The following NFXL1 variants were observed in gnomAD, a reference collection of about 807,000 sequenced individuals.
NFXL1 encodes NF-X1-type zinc finger protein NFXL1.
Under a neutral mutation model 123.3 loss-of-function variants are expected in NFXL1, and 66 were observed. The observed-to-expected ratio is 0.54, with a 90% CI of 0.44 to 0.66. The LOEUF (loss-of-function observed/expected upper bound fraction) is 0.66, where lower values mean the gene tolerates loss of function less well. Ranked by LOEUF, NFXL1 falls within the 30% of genes least tolerant of loss-of-function variation. The probability of loss-of-function intolerance (pLI) is 0.00; values close to 1 mark genes in which losing one functional copy is unlikely to be tolerated. For synonymous variants in NFXL1, 346 were observed against 360.8 expected, an observed-to-expected ratio of 0.96 and a Z score of 0.46; for missense variants, 944 against 1,125.6, an observed-to-expected ratio of 0.84 and a Z score of 2.31.
At chr4:47,909,735 G>A (rs1049726753) in intron 3 of NFXL1, among the ~76,000 whole-genome samples, 6 of 150,902 alleles carry the variant, frequency 4.0e-5, no homozygotes, top group African/African-American at 9.8e-5. Context: ...CTCAGCTCAC[G>A]GCAACCTTCA....
At chr4:47,891,873 G>A (rs993114283) in intron 11 of NFXL1, among the ~76,000 whole-genome samples, 2 of 150,778 alleles carry the variant, frequency 1.3e-5, no homozygotes, top group Non-Finnish European at 3.0e-5. Flanking sequence ...GGAGGCAGAG[G>A]TTGCAGTGAG....
chr4:47,883,101 C>T (rs757005330), intron 15 of NFXL1, among the ~76,000 whole-genome samples: 1 of 152,092 alleles, frequency 6.6e-6, no homozygotes, highest in Admixed American at 6.6e-5. Flanking sequence ...TTTTCTTCCA[C>T]GTTTTTTGAG....
intron 12 of NFXL1, among the ~76,000 whole-genome samples, chr4:47,886,375 CT>C (rs900593991): frequency 6.7e-4 from 98 of 145,432 alleles, no homozygotes; most frequent in Admixed American, 8.2e-4. Flanking sequence ...ATACTTTTCT[CT>C]TTTTTTTTTT....
chr4:47,882,664 CA>C (rs1387136787), intron 15 of NFXL1, among the ~76,000 whole-genome samples: 1 of 152,070 alleles, frequency 6.6e-6, no homozygotes, highest in Non-Finnish European at 1.5e-5. Flanking sequence ...ATTTCTTAAA[CA>C]AAATGTTCTT....
At chr4:47,882,761 T>A (rs572173362) in intron 15 of NFXL1, among the ~76,000 whole-genome samples, 1 of 152,322 alleles carries the variant, frequency 6.6e-6, no homozygotes, top group African/African-American at 2.4e-5. Flanking sequence ...TGGCTTTGTA[T>A]AGTGATGTTT....
chr4:47,903,428 G>T, intron 4 of NFXL1, 105 bp from the exon 5 acceptor site: 1 of 655,956 alleles, frequency 1.5e-6, no homozygotes, highest in Non-Finnish European at 2.2e-6. Flanking sequence ...AGCTACCTAA[G>T]GATTAAAGAA....
rs989203016 is a variant in NFXL1, at chr4:47,847,311, T to A, written c.*852A>T. On this transcript the variant is annotated 3_prime_UTR_variant, in exon 23 of 23. Coordinates refer to ENST00000507489, the MANE Select transcript of NFXL1 (RefSeq NM_001278624.2). ...TAGCAAAACTATTTGAAAGGAATTATAATTCAAACAGATTTGACTTACTGA... is the reference window on the plus strand; with the variant it reads ...TAGCAAAACTATTTGAAAGGAATTAAAATTCAAACAGATTTGACTTACTGA... 2 of 152,182 alleles carry A rather than the reference T, an allele frequency of 1.3e-5. No homozygotes were observed. The highest frequency in any genetic ancestry group is 2.9e-5 in the Non-Finnish European group (2 of 68,020). The allele number at this position is 152,182 out of a possible 1,614,324, so 9.4% of individuals were successfully genotyped here.
At chr4:47,908,033 T>C (rs1350783606) in intron 3 of NFXL1, among the ~76,000 whole-genome samples, 1 of 152,214 alleles carries the variant, frequency 6.6e-6, no homozygotes, top group South Asian at 2.1e-4. Context: ...TGTACAACTA[T>C]CTTCATGATC....
At chr4:47,913,718 C>T (rs1241716634) in intron 2 of NFXL1, among the ~76,000 whole-genome samples, 3 of 152,164 alleles carry the variant, frequency 2.0e-5, no homozygotes, top group Non-Finnish European at 2.9e-5. Flanking sequence ...TCTGGAGATT[C>T]AAGTAGGCAA....
At chr4:47,885,724 TTATC>T in intron 13 of NFXL1, 67 bp from the exon 14 acceptor site, 2 of 1,435,440 alleles carry the variant, frequency 1.4e-6, no homozygotes, top group South Asian at 1.2e-5. Context: ...TAAAGGACAA[TTATC>T]TATTTACATA....
Position 47,885,633 on chromosome 4 carries a change from T to C in NFXL1, c.1689A>G (p.Thr563=). ...AGTGACAGCGATGTTTTTCTTGACT[T>C]GTATGATGACAAGTTGGTGGTCGAC... ...QCSRPPTCHH[T]SQEKHRCHFG... The change falls in exon 14 of 23, where the codon ACA becomes ACG. Residue 563 remains threonine (T), a synonymous_variant. Transcript: ENST00000507489. 6.2e-7 allele frequency: 1 copy of C among 1,613,818 alleles called. No individual in the cohort carries two copies. Among genetic ancestry groups the C allele is most frequent in the Non-Finnish European group, 8.5e-7 (1 of 1,179,820 alleles).
chr4:47,888,222 C>T (rs934883049), intron 12 of NFXL1, among the ~76,000 whole-genome samples: 1 of 152,098 alleles, frequency 6.6e-6, no homozygotes, highest in African/African-American at 2.4e-5. Context: ...TGCAGTGAGC[C>T]GGGATTGCGC....
intron 19 of NFXL1, among the ~76,000 whole-genome samples, chr4:47,860,318 C>A (rs1229416051): frequency 1.3e-5 from 2 of 152,074 alleles, no homozygotes. Flanking sequence ...CCATTTTGTT[C>A]CTCTTTATAT....
At chr4:47,853,790 T>C (rs1195152545) in intron 20 of NFXL1, among the ~76,000 whole-genome samples, 1 of 152,120 alleles carries the variant, frequency 6.6e-6, no homozygotes, top group Non-Finnish European at 1.5e-5. Context: ...ATAGCCTCCC[T>C]GGTATGCCGA....
At chr4:47,861,095 A>C (rs990379291) in intron 19 of NFXL1, among the ~76,000 whole-genome samples, 2 of 150,512 alleles carry the variant, frequency 1.3e-5, no homozygotes, top group Admixed American at 6.6e-5. Context: ...TCCTCACCTC[A>C]GGTCATCCAC....
intron 18 of NFXL1, among the ~76,000 whole-genome samples, chr4:47,864,295 A>G (rs1734931004): frequency 1.3e-5 from 2 of 152,108 alleles, no homozygotes; most frequent in Non-Finnish European, 2.9e-5. Flanking sequence ...GTATAATAAT[A>G]TATACATATT....
At chr4:47,865,499 AAAC>A (rs57529013) in intron 18 of NFXL1, among the ~76,000 whole-genome samples, 46,099 of 148,488 alleles carry the variant, frequency 0.31, 7,546 homozygotes, top group East Asian at 0.58. Context: ...AAAAAAAAAA[AAAC>A]AACTCCTGAG....
At chr4:47,897,902 T>A (rs1737178777) in intron 9 of NFXL1, 65 bp downstream of exon 9, 1 of 1,026,088 alleles carries the variant, frequency 9.7e-7, no homozygotes, top group African/African-American at 1.6e-5. Flanking sequence ...AGGACGTCTT[T>A]TGAATGTCTT....
rs1010839193 is a variant in NFXL1 at position 47,875,387 on chromosome 4, T to C, written c.2080-94A>G. ...ATAAAATTTATATATCCCATTAAAATAAAGTACTTCTGCAGTTCTTAGAAA... is the reference window on the plus strand; with the variant it reads ...ATAAAATTTATATATCCCATTAAAACAAAGTACTTCTGCAGTTCTTAGAAA... On this transcript the variant is annotated intron_variant, in intron 17 of 22. Transcript: ENST00000507489. 1.2e-5 allele frequency: 10 copies of C among 853,310 alleles called. No individual in the cohort carries two copies. In the Admixed American group the frequency reaches 1.9e-4, roughly 16 times the overall value. The allele number at this position is 853,310 out of a possible 1,614,324, so 52.9% of individuals were successfully genotyped here. A position where few individuals can be genotyped will look rare whatever the true frequency, so the allele number is the denominator to read the frequency against.
Sources: allele counts gnomAD v4.1 joint callset (sites outside exome capture counted in the v4.1 genomes callset), GRCh38; gene constraint gnomAD v4.1.1; transcripts MANE v1.5; gene names NCBI Gene and HGNC (gene_info 2026-07-23, HGNC 2026-07-21).